The following ALDH8A1 variants were observed in gnomAD, a reference collection of about 807,000 sequenced individuals.
ALDH8A1 encodes the protein aldehyde dehydrogenase 8 family member A1.
Under a neutral mutation model 43.3 loss-of-function variants are expected in ALDH8A1, and 39 were observed. The observed-to-expected ratio is 0.90, with a 90% confidence interval of 0.70 to 1.18. The LOEUF (loss-of-function observed/expected upper bound fraction) is 1.18. Among genes scored for constraint, ALDH8A1 ranks in the 50% most tolerant of loss-of-function variants. The pLI is 0.00. For missense variants in ALDH8A1, 605 were observed against 622.6 expected (o/e 0.97, Z 0.30); for synonymous variants, 233 against 243.5 (o/e 0.96, Z 0.40).
intron 4 of ALDH8A1, among the ~76,000 whole-genome samples, chr6:134,936,404 GGAA>G (rs1773738485): frequency 6.6e-6 from 1 of 152,230 alleles, no homozygotes; most frequent in South Asian, 2.1e-4. Flanking sequence ...AGGAAAGTGT[GGAA>G]GGAGAGGATC....
chr6:134,939,401 G>A lies in ALDH8A1; in HGVS notation c.457C>T (p.Pro153Ser), dbSNP rs1334660980. Residue 153 changes from proline (P) to serine (S), a missense_variant, in exon 4 of 7, where the codon CCC becomes TCC. Transcript: ENST00000265605. ...APVGVAGLISPWNLPLYLLTW... is the reference protein window; with the variant it reads ...APVGVAGLISSWNLPLYLLTW... ...AGCAAGTAGAGTGGCAAATTCCAGG[G>A]GCTGATCAGACCAGCTAAGGGATGA... 6.2e-7 allele frequency: 1 copy of A among 1,613,888 alleles called. No individual in the cohort carries two copies. Among genetic ancestry groups the A allele is most frequent in the Non-Finnish European group, 8.5e-7 (1 of 1,180,038 alleles).
intron 4 of ALDH8A1, 100 bp downstream of exon 4, chr6:134,939,166 G>A (rs1773804959): frequency 4.6e-6 from 7 of 1,515,294 alleles, no homozygotes; most frequent in Middle Eastern, 3.5e-4. Context: ...CAAAGCCCAT[G>A]ATGTCACTGG....
At chr6:134,931,371 A>C (rs1044817701) in intron 5 of ALDH8A1, among the ~76,000 whole-genome samples, 2 of 152,096 alleles carry the variant, frequency 1.3e-5, no homozygotes, top group Admixed American at 6.6e-5. Context: ...TTAAGAGATT[A>C]TCCTGCCTCA....
chr6:134,948,721 G>A (rs577984004), intron 1 of ALDH8A1, among the ~76,000 whole-genome samples: 21 of 152,278 alleles, frequency 1.4e-4, no homozygotes, highest in African/African-American at 4.8e-4. Flanking sequence ...TTTGGAAGTT[G>A]GATTGCTGAG....
rs143309989 is a variant in ALDH8A1, at chr6:134,949,457, A to G, written c.138+459T>C. ...TACTAGGTATTTTGAAGACATGACA[A>G]ATTATGAGAAGACAATCTAAAACAA... On this transcript the variant is annotated intron_variant, in intron 1 of 6. Coordinates refer to ENST00000265605, the MANE Select transcript of ALDH8A1 (RefSeq NM_022568.4). 3.4e-3 allele frequency among the ~76,000 whole-genome samples: 519 copies of G among 152,330 alleles called. 7 individuals carry two copies. Among genetic ancestry groups the G allele is most frequent in the African/African-American group, 0.012 (496 of 41,572 alleles).
At chr6:134,944,464 T>A (rs1255099171) in intron 1 of ALDH8A1, among the ~76,000 whole-genome samples, 1 of 152,126 alleles carries the variant, frequency 6.6e-6, no homozygotes, top group Non-Finnish European at 1.5e-5. Flanking sequence ...AGGGGTACCA[T>A]AGAAACAAAG....
chr6:134,924,955 C>T (rs918617496), intron 6 of ALDH8A1, among the ~76,000 whole-genome samples: 1 of 152,108 alleles, frequency 6.6e-6, no homozygotes, highest in African/African-American at 2.4e-5. Flanking sequence ...ATAGAAATAT[C>T]TTGGTACCTT....
At chr6:134,925,312 C>T (rs1776865247) in intron 6 of ALDH8A1, among the ~76,000 whole-genome samples, 1 of 152,142 alleles carries the variant, frequency 6.6e-6, no homozygotes, top group South Asian at 2.1e-4. Flanking sequence ...GCCCCTTTAT[C>T]GTTGTCATGA....
intron 4 of ALDH8A1, among the ~76,000 whole-genome samples, chr6:134,935,421 T>C (rs1458601357): frequency 6.6e-6 from 1 of 152,224 alleles, no homozygotes; most frequent in Non-Finnish European, 1.5e-5. Flanking sequence ...GTTAAGTAAA[T>C]GAATGAGTGA....
intron 5 of ALDH8A1, among the ~76,000 whole-genome samples, chr6:134,929,578 G>T (rs999066632): frequency 6.6e-6 from 1 of 152,140 alleles, no homozygotes; most frequent in Admixed American, 6.5e-5. Context: ...TGATGTGAAG[G>T]CATGAGACGG....
In ALDH8A1 at chr6:134,929,179, G is replaced by A; in HGVS notation, c.886C>T (p.Gln296Ter). Residue 296 changes from glutamine (Q) to a stop codon, truncating the protein, a stop_gained, in exon 6 of 7, where the codon CAG becomes TAG. Coordinates refer to ENST00000265605, the MANE Select transcript of ALDH8A1 (RefSeq NM_022568.4). LOFTEE classifies it high-confidence loss of function. The part of the protein sequence containing the change: ...ICLCTSRIFV[Q>*]KSIYSEFLKR... ...AAAAATTCACTATAGATGCTCTTCT[G>A]GACAAAGATCCTGCTGGTACAGAGA... is the stretch of plus-strand genomic sequence containing the variant. 2 of 1,614,042 alleles carry A rather than the reference G, an allele frequency of 1.2e-6. No individual in the cohort carries two copies. The highest frequency in any genetic ancestry group is 1.7e-6 in the Non-Finnish European group (2 of 1,180,004).
intron 6 of ALDH8A1, among the ~76,000 whole-genome samples, chr6:134,924,829 G>A (rs550065512): frequency 6.6e-6 from 1 of 152,220 alleles, no homozygotes; most frequent in South Asian, 2.1e-4. Flanking sequence ...ACTAAATTCT[G>A]TGTTTATTTT....
chr6:134,922,835 A>C (rs768041382), intron 6 of ALDH8A1, among the ~76,000 whole-genome samples: 3 of 152,182 alleles, frequency 2.0e-5, no homozygotes, highest in Non-Finnish European at 4.4e-5. Context: ...TATAAGGATC[A>C]AGCAGAAAAT....
Position 134,932,799 on chromosome 6 carries a change from C to A in ALDH8A1, c.826G>T (p.Val276Phe), listed in dbSNP as rs151121065. Reference sequence around the variant, plus strand: ...ACCTGGTTGGCAAAGCTGGACCTGACGGTTGCCGGAATGCACTCATCCAGG... The same window carrying A: ...ACCTGGTTGGCAAAGCTGGACCTGAAGGTTGCCGGAATGCACTCATCCAGG... ...ANLDECIPAT[V>F]RSSFANQGEI... Residue 276 changes from valine to phenylalanine, a missense_variant, in exon 5 of 7, where the codon GTC becomes TTC. By Grantham distance (50) the Val-to-Phe change is conservative (BLOSUM62 -1). Coordinates refer to ENST00000265605, the MANE Select transcript of ALDH8A1 (RefSeq NM_022568.4). 8.7e-6 allele frequency: 14 copies of A among 1,614,020 alleles called. No homozygotes were observed. The highest frequency in any genetic ancestry group is 1.2e-5 in the Non-Finnish European group (14 of 1,180,006).
rs1328224067 is a variant in ALDH8A1 at position 134,917,553 on chromosome 6, GTTATT to G, written c.*857_*861del. 1 of 152,158 alleles carries G rather than the reference GTTATT, an allele frequency of 6.6e-6. No individual in the cohort carries two copies. Among genetic ancestry groups the G allele is most frequent in the Non-Finnish European group, 1.5e-5 (1 of 68,026 alleles). 9.4% of individuals were successfully genotyped at this position (152,158 alleles called of 1,614,324 possible). A position where few individuals can be genotyped will look rare whatever the true frequency, so the allele number is the denominator to read the frequency against. ...TTCCAAGTTTCCTCCAAAAGTAGTA[GTTATT>G]TTGTTTTTCTTCATCCTTGTACAGA... On this transcript the variant is annotated 3_prime_UTR_variant, in exon 7 of 7. Coordinates refer to ENST00000265605, the MANE Select transcript of ALDH8A1 (RefSeq NM_022568.4).
intron 1 of ALDH8A1, among the ~76,000 whole-genome samples, chr6:134,949,202 T>C (rs1199838635): frequency 6.6e-6 from 1 of 152,196 alleles, no homozygotes; most frequent in Admixed American, 6.5e-5. Context: ...CAGCTACATT[T>C]ACCACTTCAG....
rs1776730647 is a variant in ALDH8A1 at position 134,917,822 on chromosome 6, G to A, written c.*593C>T. 1 of 152,496 alleles carries A rather than the reference G, an allele frequency of 6.6e-6. No homozygotes were observed. The highest frequency in any genetic ancestry group is 1.5e-5 in the Non-Finnish European group (1 of 68,358). 9.4% of individuals were successfully genotyped at this position (152,496 alleles called of 1,614,324 possible). ...GTATCCCCCAGGCTGAAATGCAGTG[G>A]AATGATCATGGCTCACTGCAGCCTC... On this transcript the variant is annotated 3_prime_UTR_variant, in exon 7 of 7. Coordinates refer to ENST00000265605, the MANE Select transcript of ALDH8A1 (RefSeq NM_022568.4).
At chr6:134,944,056 C>T (rs1773909422) in intron 1 of ALDH8A1, 90 bp from the exon 2 acceptor site, 10 of 1,187,066 alleles carry the variant, frequency 8.4e-6, no homozygotes, top group African/African-American at 4.9e-5. Context: ...CTCCACACAC[C>T]TCATTTTTGT....
Position 134,918,425 on chromosome 6 carries a change from A to G in ALDH8A1, c.1454T>C (p.Val485Ala), listed in dbSNP as rs767703708. The change falls in exon 7 of 7, where the codon GTT becomes GCT. Residue 485 changes from valine to alanine, a missense_variant. Val to Ala is a moderately conservative substitution (Grantham distance 64). Transcript: ENST00000265605. ...CACCATTAGCAAAGATCAGTGTTTA[A>G]CGGTGATGGTTTTGATCTCAGTGAA... is the stretch of plus-strand genomic sequence containing the variant. Reference protein sequence around the residue: ...DFFTEIKTITVKH With the variant: ...DFFTEIKTITAKH 6.2e-7 allele frequency: 1 copy of G among 1,614,120 alleles called. No individual in the cohort carries two copies. The highest frequency in any genetic ancestry group is 8.5e-7 in the Non-Finnish European group (1 of 1,179,978).
Sources: gnomAD v4.1 joint callset for allele counts (sites outside exome capture counted in the v4.1 genomes callset) on GRCh38, gnomAD v4.1.1 for gene constraint, MANE v1.5 for transcripts, NCBI Gene and HGNC (gene_info 2026-07-23, HGNC 2026-07-21) for gene names.